The following GPR155 variants were observed in gnomAD, a reference collection of about 807,000 sequenced individuals.
GPR155 encodes the protein lysosomal cholesterol signaling protein.
Under a neutral mutation model 93.1 loss-of-function variants are expected in GPR155, and 65 were observed. The observed-to-expected ratio is 0.70, with a 90% confidence interval of 0.57 to 0.86. The LOEUF (loss-of-function observed/expected upper bound fraction) is 0.86, where lower values mean the gene tolerates loss of function less well. Ranked by LOEUF, GPR155 falls within the 40% of genes least tolerant of loss-of-function variation. The pLI is 0.00. For missense variants in GPR155, 838 were observed against 1,034.8 expected (o/e 0.81, Z 2.61); for synonymous variants, 319 against 360.1 (o/e 0.89, Z 1.29).
At chr2:174,459,084 AAAAT>A (rs1451457049) in intron 10 of GPR155, among the ~76,000 whole-genome samples, 9 of 152,172 alleles carry the variant, frequency 5.9e-5, no homozygotes, top group Non-Finnish European at 1.0e-4. Flanking sequence ...CTCTGTGGCA[AAAAT>A]AAATAAATAA....
chr2:174,436,448 C>T, intron 15 of GPR155, 32 bp from the exon 16 acceptor site: 1 of 1,605,076 alleles, frequency 6.2e-7, no homozygotes, highest in Non-Finnish European at 8.5e-7. Context: ...CCCATATTTT[C>T]TGTAAATCTG....
intron 15 of GPR155, among the ~76,000 whole-genome samples, chr2:174,436,728 T>A (rs887281319): frequency 6.6e-6 from 1 of 152,256 alleles, no homozygotes; most frequent in Non-Finnish European, 1.5e-5. Context: ...TGTTATCAGA[T>A]CTGTCCTGTA....
Position 174,481,507 on chromosome 2 carries a change from T to C in GPR155, c.450A>G (p.Gly150=), listed in dbSNP as rs768094355. ...TAAAAATTAACTTACCTATAGGGTA[T>C]CCCAATGCAAAGTCATTACTTTGTG... is the stretch of plus-strand genomic sequence containing the variant. The part of the protein sequence containing the change: ...FATQSNDFAL[G]YPIVEALYQT... Residue 150 remains glycine, a synonymous_variant, in exon 2 of 16, where the codon GGA becomes GGG. Transcript: ENST00000392552. 1 of 1,590,116 alleles carries C rather than the reference T, an allele frequency of 6.3e-7. No individual in the cohort carries two copies. Among genetic ancestry groups the C allele is most frequent in the Non-Finnish European group, 8.6e-7 (1 of 1,163,802 alleles).
At position 174,440,000 on chromosome 2, in the gene GPR155, T is replaced by C; in HGVS notation, c.2210A>G (p.Glu737Gly). The C allele has an allele frequency of 6.2e-7, 1 of 1,611,126 alleles. No individual in the cohort carries two copies. Among genetic ancestry groups the C allele is most frequent in the Non-Finnish European group, 8.5e-7 (1 of 1,177,868 alleles). ...CTCTGAAACAGGAGAATCCCTGTTT[T>C]CTGCTGTGTCTTTATTGTTCCATAG... ...EFLWNNKDTA[E>G]NRDSPVSEEI... The change falls in exon 15 of 16, where the codon GAA becomes GGA. Residue 737 changes from glutamate (E) to glycine (G), a missense_variant. Glu to Gly is a moderately conservative substitution (Grantham distance 98). Around this residue, in one of 3 missense-constraint regions of GPR155, gnomAD observed 146 missense variants for 177.5 expected, o/e 0.82. Coordinates refer to ENST00000392552, the MANE Select transcript of GPR155 (RefSeq NM_152529.7).
intron 2 of GPR155, among the ~76,000 whole-genome samples, chr2:174,475,086 G>C (rs912155309): frequency 6.6e-6 from 1 of 151,406 alleles, no homozygotes; most frequent in East Asian, 1.9e-4. Context: ...ACGAGGTCAG[G>C]AGATCGAGAC....
chr2:174,439,821 G>T (rs1686900131), intron 15 of GPR155, 77 bp downstream of exon 15: 1 of 1,230,330 alleles, frequency 8.1e-7, no homozygotes, highest in Non-Finnish European at 1.2e-6. Context: ...ACCTCATTTA[G>T]CCTATTACAA....
chr2:174,442,877 C>A (rs1041925693), intron 13 of GPR155, among the ~76,000 whole-genome samples: 4 of 152,146 alleles, frequency 2.6e-5, no homozygotes, highest in African/African-American at 9.7e-5. Context: ...ATACCACCTC[C>A]CCAAGAGGAA....
rs568471789 is a variant in GPR155 at position 174,449,859 on chromosome 2, C to A, written c.1877-3112G>T. 1.3e-4 allele frequency among the ~76,000 whole-genome samples: 20 copies of A among 152,204 alleles called. No homozygotes were observed. The East Asian group carries it at 3.9e-3, about 29-fold the overall frequency. The stretch of plus-strand genomic sequence containing the variant: ...GGCATGGTGGCAGGTGCCTGTAGTC[C>A]CAGCTACTCGGGAGGCTGAGACAGG... On this transcript the variant is annotated intron_variant, in intron 11 of 15. Coordinates refer to ENST00000392552, the MANE Select transcript of GPR155 (RefSeq NM_152529.7).
intron 2 of GPR155, among the ~76,000 whole-genome samples, chr2:174,476,395 G>A (rs1252765577): frequency 6.6e-6 from 1 of 152,168 alleles, no homozygotes; most frequent in Non-Finnish European, 1.5e-5. Flanking sequence ...CATGAGGTCA[G>A]GAGTTCAAGA....
Position 174,436,269 on chromosome 2 carries a change from G to A in GPR155, c.2460C>T (p.Asn820=), listed in dbSNP as rs6757461. 498,915 of 1,612,632 alleles carry A rather than the reference G, an allele frequency of 0.31. 81,021 individuals are homozygous for A. Among genetic ancestry groups the A allele is most frequent in the Middle Eastern group, 0.49 (2,954 of 6,058 alleles). The change falls in exon 16 of 16, where the codon AAC becomes AAT. Residue 820 remains asparagine, a synonymous_variant. Coordinates refer to ENST00000392552, the MANE Select transcript of GPR155 (RefSeq NM_152529.7). ...AGTACTCATCCCGGAATTCATACTC[G>A]TTGGTAATATGTTGGATGACTCCCC... ...VQGGVIQHIT[N]EYEFRDEYLF...
chr2:174,436,125 A>C lies in GPR155; in HGVS notation c.2604T>G (p.Pro868=). The change falls in exon 16 of 16, where the codon CCT becomes CCG. Residue 868 remains proline, a synonymous_variant. Transcript: ENST00000392552. ...IEHSSPPSHS[P]KT Reference sequence around the variant, plus strand: ...TTCTCCCCTGCATAATTTAGGTCTTAGGGGAATGTGAGGGTGGGGATGAAT... The same window carrying C: ...TTCTCCCCTGCATAATTTAGGTCTTCGGGGAATGTGAGGGTGGGGATGAAT... 1 of 1,612,334 alleles carries C rather than the reference A, an allele frequency of 6.2e-7. No individual in the cohort carries two copies. The highest frequency in any genetic ancestry group is 1.3e-5 in the African/African-American group (1 of 74,990).
intron 2 of GPR155, among the ~76,000 whole-genome samples, chr2:174,480,710 A>G (rs1193991527): frequency 1.3e-5 from 2 of 152,176 alleles, no homozygotes; most frequent in Admixed American, 6.5e-5. Flanking sequence ...TTTTTTTCTT[A>G]AACAAGAAAT....
chr2:174,452,582 G>A (rs1031532857), intron 11 of GPR155, among the ~76,000 whole-genome samples: 7 of 152,064 alleles, frequency 4.6e-5, no homozygotes, highest in Non-Finnish European at 8.8e-5. Context: ...AAGTATGTTC[G>A]GTTGTTTTGA....
intron 10 of GPR155, among the ~76,000 whole-genome samples, chr2:174,458,788 A>G (rs1366500885): frequency 6.6e-6 from 1 of 152,182 alleles, no homozygotes. Context: ...CCCTTTAAAA[A>G]TGTAAAAAAC....
Position 174,439,963 on chromosome 2 carries a change from C to A in GPR155, c.2247G>T (p.Met749Ile). 1 of 1,610,996 alleles carries A rather than the reference C, an allele frequency of 6.2e-7. No homozygotes were observed. The highest frequency in any genetic ancestry group is 1.1e-5 in the South Asian group (1 of 90,902). Residue 749 changes from methionine to isoleucine, a missense_variant, in exon 15 of 16, where the codon ATG becomes ATT. Physicochemically the swap from Met to Ile is conservative, Grantham distance 10. This residue lies in a region of GPR155 where 146 missense variants were observed against 177.5 expected (regional missense o/e 0.82). Coordinates refer to ENST00000392552, the MANE Select transcript of GPR155 (RefSeq NM_152529.7). ...RDSPVSEEIKMTCQQFIHYHR... is the reference protein window; with the variant it reads ...RDSPVSEEIKITCQQFIHYHR... The stretch of plus-strand genomic sequence containing the variant: ...GATAATGGATAAATTGTTGACAGGT[C>A]ATTTTTATTTCCTCTGAAACAGGAG...
intron 11 of GPR155, among the ~76,000 whole-genome samples, chr2:174,452,929 C>T (rs1160253870): frequency 6.6e-6 from 1 of 152,192 alleles, no homozygotes; most frequent in African/African-American, 2.4e-5. Context: ...GGATTACAGG[C>T]GTGAGCCACC....
Position 174,473,229 on chromosome 2 carries a change from G to A in GPR155, c.596C>T (p.Ala199Val), listed in dbSNP as rs1688049041. 6.2e-7 allele frequency: 1 copy of A among 1,613,782 alleles called. No individual in the cohort carries two copies. The highest frequency in any genetic ancestry group is 8.5e-7 in the Non-Finnish European group (1 of 1,179,792). Reference sequence around the variant, plus strand: ...CACAATTTTTATTTTATTTTGAGAAGCATTTTGAGTGTCTTTCCACTTTTG... The same window carrying A: ...CACAATTTTTATTTTATTTTGAGAAACATTTTGAGTGTCTTTCCACTTTTG... ...EIQKWKDTQN[A>V]SQNKIKIVGL... is the part of the protein sequence containing the mutation. Residue 199 changes from alanine (A) to valine (V), a missense_variant, in exon 3 of 16, where the codon GCT becomes GTT. Physicochemically the swap from Ala to Val is moderately conservative, Grantham distance 64 (BLOSUM62 0). Transcript: ENST00000392552.
chr2:174,461,897 T>G (rs1370080697), intron 7 of GPR155, among the ~76,000 whole-genome samples: 3 of 152,172 alleles, frequency 2.0e-5, no homozygotes. Context: ...TTTACTCAAT[T>G]CTTTTTATCT....
chr2:174,453,348 T>G (rs1687382108), intron 11 of GPR155, among the ~76,000 whole-genome samples: 1 of 152,212 alleles, frequency 6.6e-6, no homozygotes, highest in Admixed American at 6.5e-5. Context: ...TATGTAGAGT[T>G]CTTTTGAGGG....
Sources: gnomAD v4.1 joint callset for allele counts (sites outside exome capture counted in the v4.1 genomes callset) on GRCh38, gnomAD v4.1.1 for gene constraint, gnomAD v4.1.1 regional missense constraint, MANE v1.5 for transcripts, NCBI Gene and HGNC (gene_info 2026-07-23, HGNC 2026-07-21) for gene names.